ELOVL6: variants seen among roughly 807,000 people sequenced by gnomAD.
ELOVL6 encodes ELOVL fatty acid elongase 6, also known as very long chain fatty acid elongase 6.
Under a neutral mutation model 31.7 loss-of-function variants are expected in ELOVL6, and 8 were observed. The observed-to-expected ratio is 0.25, with a 90% CI of 0.15 to 0.45. The LOEUF (loss-of-function observed/expected upper bound fraction) is 0.45, where lower values mean the gene tolerates loss of function less well. ELOVL6 is among the 20% of genes least tolerant of loss of function. ELOVL6 has a pLI of 1.00. For missense variants in ELOVL6, 126 were observed against 326.4 expected (o/e 0.39, Z 4.73); for synonymous variants, 101 against 117.7 (o/e 0.86, Z 0.92).
At chr4:110,089,489 A>C (rs1396586223) in intron 2 of ELOVL6, among the ~76,000 whole-genome samples, 1 of 152,124 alleles carries the variant, frequency 6.6e-6, no homozygotes, top group Non-Finnish European at 1.5e-5. Context: ...ATGTATACTG[A>C]GGGATGACTG....
chr4:110,068,159 A>AGACAGAG (rs1184967258), intron 2 of ELOVL6, among the ~76,000 whole-genome samples: 1 of 152,248 alleles, frequency 6.6e-6, no homozygotes, highest in Non-Finnish European at 1.5e-5. Context: ...AGGATAAGGA[A>AGACAGAG]GACAGAGGAC....
chr4:110,121,605 A>G (rs111227024), intron 1 of ELOVL6, among the ~76,000 whole-genome samples: 6 of 152,236 alleles, frequency 3.9e-5, no homozygotes, highest in Admixed American at 2.0e-4. Flanking sequence ...AGGCTGAGGC[A>G]GGAGAATGGC....
At chr4:110,093,363 A>G (rs1240595994) in intron 2 of ELOVL6, among the ~76,000 whole-genome samples, 1 of 152,242 alleles carries the variant, frequency 6.6e-6, no homozygotes, top group East Asian at 1.9e-4. Context: ...ATAAATAGAA[A>G]GGAAAATTAC....
intron 2 of ELOVL6, among the ~76,000 whole-genome samples, chr4:110,084,588 ATTTTTTTTT>A (rs1168880044): frequency 1.5e-3 from 43 of 29,624 alleles, no homozygotes; most frequent in African/African-American, 2.8e-3. Flanking sequence ...ATATATATAT[ATTTTTTTTT>A]TTTTTTTTTT....
At chr4:110,185,671 G>C (rs1269642730) in intron 1 of ELOVL6, among the ~76,000 whole-genome samples, 1 of 152,156 alleles carries the variant, frequency 6.6e-6, no homozygotes, top group African/African-American at 2.4e-5. Flanking sequence ...AGACAACCAT[G>C]CAGAAATGGA....
chr4:110,130,632 G>C (rs369303872), intron 1 of ELOVL6, among the ~76,000 whole-genome samples: 4 of 152,330 alleles, frequency 2.6e-5, no homozygotes, highest in South Asian at 4.1e-4. Flanking sequence ...GCAAATTAAA[G>C]TGACACAGTA....
chr4:110,063,522 G>T (rs1755206550), intron 2 of ELOVL6, among the ~76,000 whole-genome samples: 1 of 152,208 alleles, frequency 6.6e-6, no homozygotes. Context: ...GTGACAACTA[G>T]CAAGTTTACG....
intron 1 of ELOVL6, among the ~76,000 whole-genome samples, chr4:110,125,944 A>C (rs1757479093): frequency 6.6e-6 from 1 of 152,200 alleles, no homozygotes; most frequent in Admixed American, 6.5e-5. Context: ...ACAATATGTC[A>C]ATTTTAATCA....
chr4:110,159,406 A>C (rs1758564993), intron 1 of ELOVL6, among the ~76,000 whole-genome samples: 1 of 152,184 alleles, frequency 6.6e-6, no homozygotes, highest in Non-Finnish European at 1.5e-5. Flanking sequence ...AAAAGAAGTT[A>C]TCTTTCAATT....
intron 2 of ELOVL6, among the ~76,000 whole-genome samples, chr4:110,079,542 C>T (rs4698760): frequency 0.56 from 84,868 of 151,718 alleles, 25,136 homozygotes; most frequent in African/African-American, 0.76. Context: ...TTGAAACCAA[C>T]GAGAACAAAG....
At chr4:110,058,077 T>C (rs1157921705) in intron 3 of ELOVL6, among the ~76,000 whole-genome samples, 1 of 152,190 alleles carries the variant, frequency 6.6e-6, no homozygotes, top group African/African-American at 2.4e-5. Flanking sequence ...CTCTAGCCTA[T>C]GACTTCATAC....
intron 2 of ELOVL6, among the ~76,000 whole-genome samples, chr4:110,098,069 T>C (rs1031904127): frequency 6.6e-6 from 1 of 152,204 alleles, no homozygotes; most frequent in Non-Finnish European, 1.5e-5. Context: ...CTGACCTGCA[T>C]CGTATCTGTC....
At chr4:110,152,449 G>A (rs1281854844) in intron 1 of ELOVL6, among the ~76,000 whole-genome samples, 3 of 152,294 alleles carry the variant, frequency 2.0e-5, no homozygotes, top group East Asian at 3.9e-4. Context: ...GATCACCTTT[G>A]TTTTAAAAAG....
chr4:110,191,211 C>A (rs1405913908), intron 1 of ELOVL6, among the ~76,000 whole-genome samples: 1 of 151,992 alleles, frequency 6.6e-6, no homozygotes. Flanking sequence ...TTTTAAAGTT[C>A]TCAGAAACCT....
At chr4:110,101,255 G>A (rs1756732866) in intron 2 of ELOVL6, among the ~76,000 whole-genome samples, 1 of 152,162 alleles carries the variant, frequency 6.6e-6, no homozygotes, top group Non-Finnish European at 1.5e-5. Context: ...GGCCAGGCTA[G>A]TCTCGGACTC....
intron 2 of ELOVL6, among the ~76,000 whole-genome samples, chr4:110,092,621 A>T (rs1280551392): frequency 2.6e-5 from 4 of 152,202 alleles, no homozygotes; most frequent in Non-Finnish European, 5.9e-5. Context: ...GTATTTTTCC[A>T]TGTTATTCTC....
At position 110,084,189 on chromosome 4, in the gene ELOVL6, A is replaced by AG. The variant is rs1560814435; in HGVS notation, c.221+21307_221+21308insC. On this transcript the variant is annotated intron_variant, in intron 2 of 3. Coordinates refer to ENST00000302274, the MANE Select transcript of ELOVL6 (RefSeq NM_024090.3). ...GTGATATATATGATATATATAACAT[A>AG]TAACTTATATGATATATATAACATA... Among the ~76,000 whole-genome samples, 2 of 64,538 alleles carry AG rather than the reference A, an allele frequency of 3.1e-5. 1 individual carries two copies. Among genetic ancestry groups the AG allele is most frequent in the African/African-American group, 1.2e-4 (2 of 16,064 alleles). 42.3% of individuals were successfully genotyped at this position (64,538 alleles called of 152,430 possible). A position where few individuals can be genotyped will look rare whatever the true frequency, so the allele number is the denominator to read the frequency against.
intron 1 of ELOVL6, chr4:110,118,130 G>A (rs1181264652): frequency 2.0e-5 from 3 of 149,198 alleles, no homozygotes; most frequent in Non-Finnish European, 4.4e-5. Context: ...GGCTAGTTTT[G>A]TATTTTTGGT....
chr4:110,094,044 G>A (rs1249336198), intron 2 of ELOVL6, among the ~76,000 whole-genome samples: 1 of 152,040 alleles, frequency 6.6e-6, no homozygotes, highest in Non-Finnish European at 1.5e-5. Flanking sequence ...GAGGTCAGGA[G>A]TTTGAGACCA....
Sources: allele counts gnomAD v4.1 joint callset (sites outside exome capture counted in the v4.1 genomes callset), GRCh38; gene constraint gnomAD v4.1.1; transcripts MANE v1.5; gene names NCBI Gene and HGNC (gene_info 2026-07-23, HGNC 2026-07-21).